The following RANBP10 variants were observed in gnomAD, a reference collection of about 807,000 sequenced individuals.
RANBP10 encodes the protein RAN binding protein 10.
RANBP10 carries 24 observed loss-of-function variants against 72.8 expected under a neutral mutation model. The ratio of observed to expected loss-of-function variants is 0.33; its 90% confidence interval spans 0.24 to 0.46. The LOEUF (loss-of-function observed/expected upper bound fraction) is 0.46, where lower values mean the gene tolerates loss of function less well. RANBP10 is among the 20% of genes least tolerant of loss of function. The pLI, the probability that RANBP10 is intolerant of heterozygous loss-of-function variation, is 1.00. For missense variants in RANBP10, 679 were observed against 817.5 expected, an observed-to-expected ratio of 0.83 and a Z score of 2.07; for synonymous variants, 310 against 322.3, an observed-to-expected ratio of 0.96 and a Z score of 0.41.
At chr16:67,790,711 A>G (rs117795982) in intron 2 of RANBP10, among the ~76,000 whole-genome samples, 1 of 151,654 alleles carries the variant, frequency 6.6e-6, no homozygotes, top group East Asian at 1.9e-4. Flanking sequence ...TTATTTTTTT[A>G]TTTTTTGAGA....
chr16:67,726,742 G>A (rs1163820794), intron 13 of RANBP10, among the ~76,000 whole-genome samples, 184 bp from the exon 14 acceptor site: 1 of 152,240 alleles, frequency 6.6e-6, no homozygotes, highest in Non-Finnish European at 1.5e-5. Flanking sequence ...GGAACCTGAG[G>A]ACCTTAGCCC....
chr16:67,793,011 A>G (rs2055057355), intron 2 of RANBP10, among the ~76,000 whole-genome samples: 1 of 152,046 alleles, frequency 6.6e-6, no homozygotes, highest in Admixed American at 6.6e-5. Flanking sequence ...TAATGTACTA[A>G]CAGAGTCTCA....
chr16:67,777,892 G>A (rs148306981), intron 2 of RANBP10, among the ~76,000 whole-genome samples: 1 of 152,116 alleles, frequency 6.6e-6, no homozygotes, highest in African/African-American at 2.4e-5. Flanking sequence ...TTTAAGACTC[G>A]CATAAAGACA....
intron 2 of RANBP10, among the ~76,000 whole-genome samples, chr16:67,778,911 G>A (rs948311852): frequency 1.3e-5 from 2 of 151,730 alleles, no homozygotes; most frequent in Non-Finnish European, 2.9e-5. Context: ...TGAGCAACAT[G>A]GCAAAACCCC....
At chr16:67,769,724 CGAAAG>C (rs2054574177) in intron 3 of RANBP10, among the ~76,000 whole-genome samples, 3 of 105,048 alleles carry the variant, frequency 2.9e-5, no homozygotes, top group African/African-American at 3.7e-5. Context: ...CCAGCCTGGG[CGAAAG>C]AGCAAGACTC....
chr16:67,797,054 T>C (rs533459293), intron 2 of RANBP10, among the ~76,000 whole-genome samples: 2 of 152,240 alleles, frequency 1.3e-5, no homozygotes, highest in South Asian at 4.1e-4. Context: ...GGTCCCATAA[T>C]AGGAATGGCA....
At chr16:67,805,664 C>T (rs2055378393) in intron 1 of RANBP10, 125 bp from the exon 2 acceptor site, 3 of 729,332 alleles carry the variant, frequency 4.1e-6, no homozygotes, top group East Asian at 2.7e-5. Flanking sequence ...TTACACAGGC[C>T]GAGGAATCAT....
intron 2 of RANBP10, among the ~76,000 whole-genome samples, chr16:67,775,872 G>A (rs1000286172): frequency 4.6e-5 from 7 of 151,598 alleles, no homozygotes; most frequent in Admixed American, 1.3e-4. Context: ...CTTGCCGGGC[G>A]CGGTGGCTCA....
At position 67,795,080 on chromosome 16, in the gene RANBP10, T is replaced by G. The variant is rs2055104562; in HGVS notation, c.347+10348A>C. 3.3e-5 allele frequency among the ~76,000 whole-genome samples: 5 copies of G among 151,316 alleles called. No individual in the cohort carries two copies. The South Asian group carries it at 1.0e-3, about 32-fold the overall frequency. ...CCCTGGGCAAGTGGTGAAATTCCAT[T>G]TCTACTTAAAAAAAAAAAAATTAGC... On this transcript the variant is annotated intron_variant, in intron 2 of 13. Transcript: ENST00000317506.
At chr16:67,798,231 C>T (rs996617635) in intron 2 of RANBP10, among the ~76,000 whole-genome samples, 1 of 152,114 alleles carries the variant, frequency 6.6e-6, no homozygotes, top group Non-Finnish European at 1.5e-5. Flanking sequence ...ACGGCCTGTA[C>T]CTACCTTGGG....
chr16:67,745,355 G>A (rs995690963), intron 3 of RANBP10, among the ~76,000 whole-genome samples: 2 of 151,172 alleles, frequency 1.3e-5, no homozygotes, highest in African/African-American at 4.9e-5. Context: ...TTTTTTTTGA[G>A]ACAGAGTCTC....
chr16:67,785,731 C>CAAAAAAAAAAAAAAAAAAAAAA lies in RANBP10; in HGVS notation c.348-13646_348-13645insTTTTTTTTTTTTTTTTTTTTTT, dbSNP rs61683439. On this transcript the variant is annotated intron_variant, in intron 2 of 13. Coordinates refer to ENST00000317506, the MANE Select transcript of RANBP10 (RefSeq NM_020850.3). ...AAACAGAGTGAGTGAGACTCCATCT[C>CAAAAAAAAAAAAAAAAAAAAAA]AAAAAAAAAAAAAAAGCCAGGCACA... Among the ~76,000 whole-genome samples, 204 of 71,678 alleles carry CAAAAAAAAAAAAAAAAAAAAAA rather than the reference C, an allele frequency of 2.8e-3. 11 individuals carry two copies. The highest frequency in any genetic ancestry group is 0.011 in the Middle Eastern group (1 of 94). 47.0% of individuals were successfully genotyped at this position (71,678 alleles called of 152,430 possible).
intron 3 of RANBP10, chr16:67,759,535 C>T (rs1006884157): frequency 6.6e-6 from 1 of 152,244 alleles, no homozygotes; most frequent in African/African-American, 2.4e-5. Flanking sequence ...GAAGGAGTGA[C>T]ACCCAGAAGC....
intron 4 of RANBP10, among the ~76,000 whole-genome samples, chr16:67,741,758 A>C (rs1309455842): frequency 6.6e-6 from 1 of 152,228 alleles, no homozygotes; most frequent in Non-Finnish European, 1.5e-5. Context: ...CAGACAACTG[A>C]CCAATGGCAC....
intron 3 of RANBP10, among the ~76,000 whole-genome samples, chr16:67,770,705 G>T (rs1045634460): frequency 6.6e-6 from 1 of 152,226 alleles, no homozygotes; most frequent in Non-Finnish European, 1.5e-5. Flanking sequence ...TGTCTCCCCA[G>T]TTGCAGCCAG....
intron 5 of RANBP10, 93 bp from the exon 6 acceptor site, chr16:67,735,135 GGGCTGGGAGAGTTGCAGCAA>G: frequency 3.9e-6 from 5 of 1,280,462 alleles, no homozygotes; most frequent in Non-Finnish European, 5.3e-6. Flanking sequence ...GCCCATGCTT[GGGCTGGGAGAGTTGCAGCAA>G]GGCTGGAGGA....
intron 2 of RANBP10, among the ~76,000 whole-genome samples, chr16:67,799,428 C>G (rs1311124478): frequency 6.6e-6 from 1 of 151,880 alleles, no homozygotes; most frequent in Admixed American, 6.6e-5. Flanking sequence ...GCTGGGACTA[C>G]AGGCGCCCGC....
intron 2 of RANBP10, among the ~76,000 whole-genome samples, chr16:67,783,397 C>G (rs1185137979): frequency 6.6e-6 from 1 of 152,156 alleles, no homozygotes; most frequent in Non-Finnish European, 1.5e-5. Flanking sequence ...TTTGAGAACC[C>G]TGCACAGAGA....
rs1375911820 is a variant in RANBP10, at chr16:67,789,434, T to C, written c.347+15994A>G. 2.0e-5 allele frequency among the ~76,000 whole-genome samples: 3 copies of C among 151,572 alleles called. 1 individual carries two copies. The highest frequency in any genetic ancestry group is 4.9e-5 in the African/African-American group (2 of 41,004). On this transcript the variant is annotated intron_variant, in intron 2 of 13. Transcript: ENST00000317506. ...TCAAGGATACAGTGAGCCATGATTG[T>C]GCCACTGCACTCCAGTCTGGGCAAC...
Sources: allele counts gnomAD v4.1 joint callset (sites outside exome capture counted in the v4.1 genomes callset), GRCh38; gene constraint gnomAD v4.1.1; transcripts MANE v1.5; gene names NCBI Gene and HGNC (gene_info 2026-07-23, HGNC 2026-07-21).